The following ATP8B2 variants were observed in gnomAD, a reference collection of about 807,000 sequenced individuals.
ATP8B2 encodes ATPase phospholipid transporting 8B2.
A neutral mutation model predicts 133.4 loss-of-function variants in ATP8B2; 70 were observed. That is an observed-to-expected ratio of 0.52 (90% CI 0.43 to 0.64). The LOEUF is 0.64. ATP8B2 is among the 30% of genes least tolerant of loss of function. The probability of loss-of-function intolerance (pLI) is 0.00; values close to 1 mark genes in which losing one functional copy is unlikely to be tolerated. For synonymous variants in ATP8B2, 517 were observed against 589.5 expected (o/e 0.88, Z 1.78); for missense variants, 1,101 against 1,535.7 (o/e 0.72, Z 4.73).
Position 154,334,376 on chromosome 1 carries a change from G to A in ATP8B2, c.748+111G>A. 1 of 1,524,564 alleles carries A rather than the reference G, an allele frequency of 6.6e-7. No individual in the cohort carries two copies. Among genetic ancestry groups the A allele is most frequent in the South Asian group, 1.2e-5 (1 of 84,706 alleles). 94.4% of individuals were successfully genotyped at this position (1,524,564 alleles called of 1,614,324 possible). Reference sequence around the variant, plus strand: ...CCTAAGGTAAAAAACCTCCAGCTGTGTATACAGGCTTCTTATCTAGCCAGT... The same window carrying A: ...CCTAAGGTAAAAAACCTCCAGCTGTATATACAGGCTTCTTATCTAGCCAGT... On this transcript the variant is annotated intron_variant, in intron 10 of 27. Transcript: ENST00000368489. This position sits in a 1 kb window ranked among gnomAD's most constrained non-coding sequence, Gnocchi z 4.6.
chr1:154,339,821 T>C (rs554887184), intron 12 of ATP8B2, among the ~76,000 whole-genome samples: 1 of 152,190 alleles, frequency 6.6e-6, no homozygotes, highest in Non-Finnish European at 1.5e-5. Context: ...ACATGGCCCT[T>C]TCTGGAAATG....
intron 26 of ATP8B2, among the ~76,000 whole-genome samples, chr1:154,347,512 A>T (rs988605797): frequency 9.2e-5 from 14 of 152,192 alleles, no homozygotes; most frequent in African/African-American, 3.1e-4. Flanking sequence ...GGCCGCTCTT[A>T]CAGTTTCGTG....
chr1:154,348,507 G>C lies in ATP8B2; in HGVS notation c.3263G>C (p.Arg1088Thr). ...CCCGTGGTTGCCTTCCGATTCCTCA[G>C]GCTCAACCTGAAGCCGGATCTCTCC... ...IMPVVAFRFL[R>T]LNLKPDLSDT... Residue 1088 changes from arginine (R) to threonine (T), a missense_variant, in exon 27 of 28, where the codon AGG becomes ACG. Transcript: ENST00000368489. The C allele has an allele frequency of 6.2e-7, 1 of 1,614,152 alleles. No individual in the cohort carries two copies. The highest frequency in any genetic ancestry group is 8.5e-7 in the Non-Finnish European group (1 of 1,180,012).
Position 154,345,512 on chromosome 1 carries a change from C to G in ATP8B2, c.2661C>G (p.Phe887Leu), listed in dbSNP as rs758880354. 6.2e-7 allele frequency: 1 copy of G among 1,614,024 alleles called. No individual in the cohort carries two copies. Residue 887 changes from phenylalanine (F) to leucine (L), a missense_variant, in exon 23 of 28, where the codon TTC becomes TTG. Coordinates refer to ENST00000368489, the MANE Select transcript of ATP8B2 (RefSeq NM_001370597.1). This position sits in a 1 kb window ranked among gnomAD's most constrained non-coding sequence, Gnocchi z 5.6. ...YKNFAFTMVH[F>L]WFGFFCGFSA... ...ACTTTGCTTTCACCATGGTCCACTT[C>G]TGGTTTGGCTTCTTCTGTGGCTTCT... is the stretch of plus-strand genomic sequence containing the variant.
Position 154,331,231 on chromosome 1 carries a change from A to T in ATP8B2, c.303+85A>T, listed in dbSNP as rs1280262482. The T allele has an allele frequency of 1.5e-6, 2 of 1,291,752 alleles. No homozygotes were observed. The highest frequency in any genetic ancestry group is 3.0e-5 in the African/African-American group (2 of 67,480). 80.0% of individuals were successfully genotyped at this position (1,291,752 alleles called of 1,614,324 possible). On this transcript the variant is annotated intron_variant, in intron 5 of 27. Transcript: ENST00000368489. This position sits in a 1 kb window ranked among gnomAD's most constrained non-coding sequence, Gnocchi z 4.8. ...CCCCATCTCATGGCCACCTTCATCCAGCACAATTTCTTGGTGACCTTGACA... is the reference window on the plus strand; with the variant it reads ...CCCCATCTCATGGCCACCTTCATCCTGCACAATTTCTTGGTGACCTTGACA...
chr1:154,331,000 A>C, intron 4 of ATP8B2, 48 bp from the exon 5 acceptor site: 1 of 1,601,376 alleles, frequency 6.2e-7, no homozygotes, highest in Non-Finnish European at 8.6e-7. Context: ...AAGGGAATGA[A>C]GGCATCAGAT....
chr1:154,343,178 G>C lies in ATP8B2; in HGVS notation c.1519G>C (p.Gly507Arg). Residue 507 changes from glycine to arginine, a missense_variant, in exon 16 of 28, where the codon GGT (glycine) becomes CGT (arginine). Gly to Arg is a moderately radical substitution (Grantham distance 125). Transcript: ENST00000368489. The surrounding 1 kb of genome is among the most constrained non-coding windows in gnomAD (Gnocchi z 5.8). ...GALVTAARNF[G>R]FVFRSRTPKT... The stretch of plus-strand genomic sequence containing the variant: ...CCTGGTCACCGCAGCCAGGAACTTT[G>C]GTTTTGTTTTCCGCTCTCGCACCCC... 6.2e-7 allele frequency: 1 copy of C among 1,614,090 alleles called. No individual in the cohort carries two copies. The highest frequency in any genetic ancestry group is 8.5e-7 in the Non-Finnish European group (1 of 1,180,010).
At position 154,331,304 on chromosome 1, in the gene ATP8B2, G is replaced by A; in HGVS notation, c.304-140G>A. 1 of 1,139,716 alleles carries A rather than the reference G, an allele frequency of 8.8e-7. No homozygotes were observed. The highest frequency in any genetic ancestry group is 2.4e-5 in the East Asian group (1 of 40,830). 70.6% of individuals were successfully genotyped at this position (1,139,716 alleles called of 1,614,324 possible). A position where few individuals can be genotyped will look rare whatever the true frequency, so the allele number is the denominator to read the frequency against. On this transcript the variant is annotated intron_variant, in intron 5 of 27. Coordinates refer to ENST00000368489, the MANE Select transcript of ATP8B2 (RefSeq NM_001370597.1). This position sits in a 1 kb window ranked among gnomAD's most constrained non-coding sequence, Gnocchi z 4.8. ...TCCATGATGTCTTTTTGCTGAGCGT[G>A]GGGAGAGGGAATCAGGGAGTGAACT... is the stretch of plus-strand genomic sequence containing the variant.
In ATP8B2 at chr1:154,349,819, G is replaced by T; in HGVS notation, c.*701G>T. On this transcript the variant is annotated 3_prime_UTR_variant, in exon 28 of 28. Transcript: ENST00000368489. ...TCTGTGGGGCAGAGGAGCTGACCAG[G>T]GAGGGAGGTACCCATGAGCAGAGGG... is the stretch of plus-strand genomic sequence containing the variant. 6.5e-6 allele frequency: 1 copy of T among 153,322 alleles called. No homozygotes were observed. 9.5% of individuals were successfully genotyped at this position (153,322 alleles called of 1,614,324 possible).
chr1:154,327,953 C>T (rs1685848535), intron 1 of ATP8B2, 152 bp from the exon 2 acceptor site: 1 of 1,532,240 alleles, frequency 6.5e-7, no homozygotes, highest in Non-Finnish European at 9.0e-7. Context: ...TCCCAGGAAC[C>T]CATCATGGCA....
Position 154,331,602 on chromosome 1 carries a change from T to C in ATP8B2, c.366-4T>C, listed in dbSNP as rs370261155. 8.7e-6 allele frequency: 14 copies of C among 1,614,092 alleles called. No individual in the cohort carries two copies. In the South Asian group the frequency reaches 1.2e-4, roughly 14 times the overall value. On this transcript the variant is annotated splice_region_variant and splice_polypyrimidine_tract_variant and intron_variant, in intron 6 of 27. Transcript: ENST00000368489. This position sits in a 1 kb window ranked among gnomAD's most constrained non-coding sequence, Gnocchi z 4.8. Reference sequence around the variant, plus strand: ...GCCTCTTCACTGTCTTCTCGTTGCCTCAGCCTCCAGCAGGAGCAGTGGATG... The same window carrying C: ...GCCTCTTCACTGTCTTCTCGTTGCCCCAGCCTCCAGCAGGAGCAGTGGATG...
At chr1:154,338,159 G>A (rs1352767708) in intron 12 of ATP8B2, among the ~76,000 whole-genome samples, 1 of 152,170 alleles carries the variant, frequency 6.6e-6, no homozygotes, top group Non-Finnish European at 1.5e-5. Context: ...GCTTTGAGTG[G>A]TGACTGGGCT....
intron 1 of ATP8B2, among the ~76,000 whole-genome samples, chr1:154,326,791 G>T (rs1018895427): frequency 6.6e-6 from 1 of 152,200 alleles, no homozygotes; most frequent in Admixed American, 6.5e-5. Context: ...CTCCCCAAGG[G>T]CGGGGCTGCC....
chr1:154,347,273 A>G (rs2149176607), intron 26 of ATP8B2, among the ~76,000 whole-genome samples: 1 of 152,314 alleles, frequency 6.6e-6, no homozygotes, highest in Non-Finnish European at 1.5e-5. Flanking sequence ...GGAAACAGCA[A>G]TATAAAGGCC....
rs1686352333 is a variant in ATP8B2, at chr1:154,340,757, G to A, written c.1035-97G>A. 4.2e-6 allele frequency: 5 copies of A among 1,184,478 alleles called. No individual in the cohort carries two copies. The highest frequency in any genetic ancestry group is 1.3e-5 in the South Asian group (1 of 76,110). The allele number at this position is 1,184,478 out of a possible 1,614,324, so 73.4% of individuals were successfully genotyped here. A position where few individuals can be genotyped will look rare whatever the true frequency, so the allele number is the denominator to read the frequency against. ...GTGCCCAGGTGTCTTCTCCGTTCTT[G>A]TCTCTCCCCAGGCGGAGGGCCTGCA... On this transcript the variant is annotated intron_variant, in intron 12 of 27. Coordinates refer to ENST00000368489, the MANE Select transcript of ATP8B2 (RefSeq NM_001370597.1). This position sits in a 1 kb window ranked among gnomAD's most constrained non-coding sequence, Gnocchi z 4.0.
At position 154,331,453 on chromosome 1, in the gene ATP8B2, A is replaced by C. The variant is rs761735740; in HGVS notation, c.313A>C (p.Lys105Gln). Residue 105 changes from lysine (K) to glutamine (Q), a missense_variant, in exon 6 of 28, where the codon AAG becomes CAG. Coordinates refer to ENST00000368489, the MANE Select transcript of ATP8B2 (RefSeq NM_001370597.1). This position sits in a 1 kb window ranked among gnomAD's most constrained non-coding sequence, Gnocchi z 4.8. ...KDATDDYFRH[K>Q]SDNQVNNRQS... ...GTTTTCTTCTTTTCAGTTCCGCCAC[A>C]AGAGCGATAACCAGGTGAATAACCG... is the stretch of plus-strand genomic sequence containing the variant. The C allele has an allele frequency of 1.2e-6, 2 of 1,614,080 alleles. No homozygotes were observed. The highest frequency in any genetic ancestry group is 1.7e-6 in the Non-Finnish European group (2 of 1,180,030).
Position 154,340,459 on chromosome 1 carries a change from T to G in ATP8B2, c.1035-395T>G. 4.8e-6 allele frequency: 1 copy of G among 210,102 alleles called. No homozygotes were observed. The allele number at this position is 210,102 out of a possible 1,614,324, so 13.0% of individuals were successfully genotyped here. ...TGCTGTGGCATGCACAGCACCCTCA[T>G]TATTTCTCTCTCTCTTTTCTCTCCC... On this transcript the variant is annotated intron_variant, in intron 12 of 27. Transcript: ENST00000368489. This position sits in a 1 kb window ranked among gnomAD's most constrained non-coding sequence, Gnocchi z 4.0.
In ATP8B2 at chr1:154,346,488, T is replaced by C. The variant is rs202035222; in HGVS notation, c.3024+12T>C. 715 of 1,607,996 alleles carry C rather than the reference T, an allele frequency of 4.4e-4. 1 individual carries two copies. Among genetic ancestry groups the C allele is most frequent in the Non-Finnish European group, 5.5e-4 (641 of 1,175,832 alleles). ...TGGTTAGCGTGCAGGTATGAGGCCA[T>C]CCAGGAACTCCCCTCTTCTCTGGAA... On this transcript the variant is annotated intron_variant, in intron 25 of 27. Coordinates refer to ENST00000368489, the MANE Select transcript of ATP8B2 (RefSeq NM_001370597.1). This position sits in a 1 kb window ranked among gnomAD's most constrained non-coding sequence, Gnocchi z 4.5.
At position 154,328,717 on chromosome 1, in the gene ATP8B2, G is replaced by A; in HGVS notation, c.31+545G>A. On this transcript the variant is annotated intron_variant, in intron 2 of 27. Transcript: ENST00000368489. The surrounding 1 kb of genome is among the most constrained non-coding windows in gnomAD (Gnocchi z 4.6). ...GGAGCGGGCGGGGGCGGAACCCTGG[G>A]CGTGCTCGGCGTGTCCGGGGCCACT... 1.1e-6 allele frequency: 1 copy of A among 871,696 alleles called. No homozygotes were observed. Among genetic ancestry groups the A allele is most frequent in the East Asian group, 1.2e-4 (1 of 8,376 alleles). The allele number at this position is 871,696 out of a possible 1,614,324, so 54.0% of individuals were successfully genotyped here. A position where few individuals can be genotyped will look rare whatever the true frequency, so the allele number is the denominator to read the frequency against.
Sources: gnomAD v4.1 joint callset for allele counts (sites outside exome capture counted in the v4.1 genomes callset) on GRCh38, gnomAD v4.1.1 for gene constraint, Gnocchi (gnomAD v3.1) non-coding constraint, MANE v1.5 for transcripts, NCBI Gene and HGNC (gene_info 2026-07-23, HGNC 2026-07-21) for gene names.